Variants in SUMF2 observed in about 807,000 individuals in gnomAD.
SUMF2 encodes the protein sulfatase modifying factor 2.
SUMF2 carries 45 observed loss-of-function variants against 44.8 expected under a neutral mutation model. The observed-to-expected ratio is 1.00, with a 90% confidence interval of 0.79 to 1.29. The LOEUF is 1.29. SUMF2 is among the 50% of genes most tolerant of loss of function. The pLI is 0.00. For missense variants in SUMF2, 418 were observed against 389.9 expected, an observed-to-expected ratio of 1.07 and a Z score of -0.61; for synonymous variants, 148 against 150.4, an observed-to-expected ratio of 0.98 and a Z score of 0.12.
At chr7:56,071,847 C>G (rs946456507) in intron 2 of SUMF2, among the ~76,000 whole-genome samples, 1 of 151,656 alleles carries the variant, frequency 6.6e-6, no homozygotes, top group Admixed American at 6.6e-5. Context: ...CACAGTGGCT[C>G]ATGCCTGCAA....
In SUMF2 at chr7:56,074,257, T is replaced by A. The variant is rs747240103; in HGVS notation, c.384+39T>A. 6.9e-6 allele frequency: 11 copies of A among 1,594,084 alleles called. No homozygotes were observed. The Admixed American group carries it at 1.8e-4, about 27-fold the overall frequency. On this transcript the variant is annotated intron_variant, in intron 4 of 8. Transcript: ENST00000434526. ...CCGCTACCTCATTTTCTACCCCTGC[T>A]TGACTCTTATTCTCCAGGCCCAGCC...
chr7:56,070,629 C>CAA, intron 2 of SUMF2, among the ~76,000 whole-genome samples: 1 of 144,938 alleles, frequency 6.9e-6, no homozygotes, highest in East Asian at 2.0e-4. Context: ...CATCCTTTCT[C>CAA]AAAAAAAAGA....
At chr7:56,075,607 G>C (rs1795485013) in intron 5 of SUMF2, among the ~76,000 whole-genome samples, 1 of 151,560 alleles carries the variant, frequency 6.6e-6, no homozygotes, top group Non-Finnish European at 1.5e-5. Flanking sequence ...GCTGAGGCAG[G>C]GGAATGGCGT....
At chr7:56,065,246 G>GCC (rs1007243630) in intron 1 of SUMF2, among the ~76,000 whole-genome samples, 1 of 135,584 alleles carries the variant, frequency 7.4e-6, no homozygotes, top group Non-Finnish European at 1.6e-5. Flanking sequence ...AACGACCCCC[G>GCC]CCCCCACGTA....
downstream of SUMF2, chr7:56,084,370 ATTTTTTT>A (rs534790677): frequency 1.2e-5 from 5 of 408,944 alleles, no homozygotes; most frequent in African/African-American, 5.0e-5. Flanking sequence ...GAGTATCCCG[ATTTTTTT>A]TTTTTTTTTT....
chr7:56,087,808 G>C, the SUMF2 span: 1 of 1,587,922 alleles, frequency 6.3e-7, no homozygotes, highest in Non-Finnish European at 8.6e-7. Flanking sequence ...GGCCTCGGGG[G>C]GCCCCTCACC....
chr7:56,087,841 G>A, the SUMF2 span: 1 of 1,326,868 alleles, frequency 7.5e-7, no homozygotes, highest in South Asian at 1.2e-5. Flanking sequence ...CCAGATTAGA[G>A]GCTGCAGCAG....
intron 5 of SUMF2, 162 bp downstream of exon 5, chr7:56,074,898 G>C (rs1378154716): frequency 1.6e-5 from 13 of 829,814 alleles, no homozygotes; most frequent in African/African-American, 8.6e-5. Context: ...AGGAGTAAAA[G>C]ACTAGCCTGG....
downstream of SUMF2, chr7:56,081,316 A>G (rs920536729): frequency 6.3e-6 from 10 of 1,596,428 alleles, no homozygotes; most frequent in Non-Finnish European, 6.8e-6. The surrounding 1 kb of genome is among the most constrained non-coding windows in gnomAD (Gnocchi z 4.6). Context: ...GGCCAGGCGG[A>G]GAAGCTGGGC....
chr7:56,076,216 C>T lies in SUMF2; in HGVS notation c.536-618C>T, dbSNP rs146187747. ...TAATTTTTTGTATTTTTAGTAGAGA[C>T]GGGGTTTCACCGTGTTAGCCAGGAT... On this transcript the variant is annotated intron_variant, in intron 5 of 8. Transcript: ENST00000434526. Among the ~76,000 whole-genome samples the T allele has an allele frequency of 3.4e-4, 52 of 152,186 alleles. 1 individual carries two copies. The East Asian group carries it at 5.4e-3, about 16-fold the overall frequency.
downstream of SUMF2, chr7:56,081,248 G>A (rs534256515): frequency 7.3e-5 from 117 of 1,613,232 alleles, no homozygotes; most frequent in Non-Finnish European, 8.5e-5. The surrounding 1 kb of genome is among the most constrained non-coding windows in gnomAD (Gnocchi z 4.6). Context: ...GGCTTCACCC[G>A]GCGGTACTGG....
rs1312488158 is a variant in SUMF2, at chr7:56,078,404, A to G, written c.717A>G (p.Ala239=). The G allele has an allele frequency of 1.2e-6, 2 of 1,611,780 alleles. No individual in the cohort carries two copies. Among genetic ancestry groups the G allele is most frequent in the Middle Eastern group, 3.3e-4 (2 of 6,072 alleles). The change falls in exon 8 of 9, where the codon GCA becomes GCG. Residue 239 remains alanine (A), a synonymous_variant. Transcript: ENST00000434526. The part of the protein sequence containing the change: ...DLLGNVWEWT[A]SPYQAAEQDM... ...TGGGGAACGTGTGGGAGTGGACAGC[A>G]TCACCGTACCAGGCTGCTGAGCAGG...
downstream of SUMF2, among the ~76,000 whole-genome samples, chr7:56,085,250 C>T (rs1323368545): frequency 6.6e-6 from 1 of 151,848 alleles, no homozygotes; most frequent in East Asian, 1.9e-4. Flanking sequence ...GGTGAACCAC[C>T]ATGCCTGGCC....
At chr7:56,080,920 T>G (rs1335750573), downstream of SUMF2, 1 of 1,045,144 alleles carries the variant, frequency 9.6e-7, no homozygotes, top group Non-Finnish European at 1.4e-6. Context: ...GATCGTGGCC[T>G]CAGTTCCAGG....
chr7:56,081,813 A>C, downstream of SUMF2: 1 of 1,608,306 alleles, frequency 6.2e-7, no homozygotes, highest in Non-Finnish European at 8.5e-7. The surrounding 1 kb of genome is among the most constrained non-coding windows in gnomAD (Gnocchi z 4.6). Context: ...CCAGCATGTC[A>C]GGAAAGGCAG....
chr7:56,081,359 C>T (rs1320693858), downstream of SUMF2: 6 of 1,551,364 alleles, frequency 3.9e-6, no homozygotes, highest in South Asian at 1.2e-5. The surrounding 1 kb of genome is among the most constrained non-coding windows in gnomAD (Gnocchi z 4.6). Flanking sequence ...CCTGCCCCTC[C>T]AGCACAGGGA....
downstream of SUMF2, among the ~76,000 whole-genome samples, chr7:56,082,591 C>CA (rs529327899): frequency 2.0e-3 from 296 of 146,478 alleles, 1 homozygote; most frequent in Admixed American, 3.1e-3. Context: ...GACTCTGTTT[C>CA]AAAAAAAAAA....
chr7:56,069,725 G>A (rs1311684123), intron 2 of SUMF2, among the ~76,000 whole-genome samples: 1 of 151,804 alleles, frequency 6.6e-6, no homozygotes, highest in Non-Finnish European at 1.5e-5. Flanking sequence ...GACTACAGGT[G>A]CGCACTATCA....
At chr7:56,083,141 T>G, downstream of SUMF2, 1 of 651,958 alleles carries the variant, frequency 1.5e-6, no homozygotes, top group Non-Finnish European at 2.5e-6. Flanking sequence ...GAAAAAAAAA[T>G]CCCTAGCCCT....
Sources: allele counts gnomAD v4.1 joint callset (sites outside exome capture counted in the v4.1 genomes callset), GRCh38; gene constraint gnomAD v4.1.1; non-coding constraint Gnocchi (gnomAD v3.1); transcripts MANE v1.5; gene names NCBI Gene and HGNC (gene_info 2026-07-23, HGNC 2026-07-21).